Variants in ACAP2 observed in about 807,000 individuals in gnomAD.
ACAP2 encodes the protein ArfGAP with coiled-coil, ankyrin repeat and PH domains 2, also known as arf-GAP with coiled-coil, ANK repeat and PH domain-containing protein 2.
In ACAP2, 39 loss-of-function variants were observed where a neutral mutation model predicts 115.8. That is an observed-to-expected ratio of 0.34 (90% CI 0.26 to 0.44). The LOEUF is 0.44. Ranked by LOEUF, ACAP2 falls within the 20% of genes least tolerant of loss-of-function variation. ACAP2 has a pLI of 1.00. For missense variants in ACAP2, 662 were observed against 927.6 expected (o/e 0.71, Z 3.72); for synonymous variants, 289 against 315.8 (o/e 0.92, Z 0.90).
intron 2 of ACAP2, among the ~76,000 whole-genome samples, chr3:195,385,771 A>C (rs530227046): frequency 6.6e-6 from 1 of 152,206 alleles, no homozygotes; most frequent in Non-Finnish European, 1.5e-5. Context: ...AGTTGGTTTC[A>C]CCAAACAGTT....
intron 4 of ACAP2, among the ~76,000 whole-genome samples, chr3:195,370,920 C>A (rs1425972503): frequency 6.7e-6 from 1 of 148,814 alleles, no homozygotes; most frequent in Non-Finnish European, 1.5e-5. Flanking sequence ...CCATTGCACT[C>A]CAGTCTGGGC....
At chr3:195,324,924 T>G (rs993923272) in intron 9 of ACAP2, among the ~76,000 whole-genome samples, 8 of 152,082 alleles carry the variant, frequency 5.3e-5, no homozygotes, top group African/African-American at 1.9e-4. Context: ...AAATATATTA[T>G]GAATTTGATC....
At chr3:195,360,477 A>T (rs536671010) in intron 4 of ACAP2, among the ~76,000 whole-genome samples, 2 of 152,364 alleles carry the variant, frequency 1.3e-5, no homozygotes, top group African/African-American at 4.8e-5. Context: ...CCAGACAGAA[A>T]ATCCACAAGG....
chr3:195,327,079 A>G, intron 8 of ACAP2, 120 bp from the exon 9 acceptor site: 1 of 983,840 alleles, frequency 1.0e-6, no homozygotes, highest in Non-Finnish European at 1.5e-6. Context: ...CTGATTTAAT[A>G]AAGTTTTGGC....
chr3:195,362,970 A>G (rs946317900), intron 4 of ACAP2, among the ~76,000 whole-genome samples: 1 of 152,212 alleles, frequency 6.6e-6, no homozygotes, highest in African/African-American at 2.4e-5. Context: ...CAATAAGACA[A>G]GAGACTAAAA....
At chr3:195,412,505 A>G (rs905862507) in intron 1 of ACAP2, among the ~76,000 whole-genome samples, 2 of 152,022 alleles carry the variant, frequency 1.3e-5, no homozygotes, top group African/African-American at 2.4e-5. Context: ...CCAGCTACTC[A>G]GGAGGCTGAG....
intron 11 of ACAP2, 30 bp from the exon 12 acceptor site, chr3:195,307,353 T>G: frequency 6.8e-7 from 1 of 1,472,856 alleles, no homozygotes. Flanking sequence ...TTTCCATATT[T>G]TTCCACTTAG....
In ACAP2 at chr3:195,378,448, C is replaced by T. The variant is rs562371569; in HGVS notation, c.285+2561G>A. 1.3e-3 allele frequency among the ~76,000 whole-genome samples: 204 copies of T among 151,906 alleles called. 1 individual carries two copies. Among genetic ancestry groups the T allele is most frequent in the South Asian group, 0.012 (58 of 4,804 alleles). Reference sequence around the variant, plus strand: ...CAGAGGTTGCAGTGAGCCAAGATTGCGCCGCTGCACTCCAGCCTGGCAACA... The same window carrying T: ...CAGAGGTTGCAGTGAGCCAAGATTGTGCCGCTGCACTCCAGCCTGGCAACA... On this transcript the variant is annotated intron_variant, in intron 4 of 22. Coordinates refer to ENST00000326793, the MANE Select transcript of ACAP2 (RefSeq NM_012287.6).
At chr3:195,298,072 G>T (rs1432221767) in intron 15 of ACAP2, among the ~76,000 whole-genome samples, 1 of 152,136 alleles carries the variant, frequency 6.6e-6, no homozygotes, top group Non-Finnish European at 1.5e-5. Context: ...TACACATTAA[G>T]ATAACATTAC....
At chr3:195,280,957 T>C (rs192223970) in intron 22 of ACAP2, 4 of 152,346 alleles carry the variant, frequency 2.6e-5, no homozygotes, top group African/African-American at 9.6e-5. Flanking sequence ...ATGTTGTTAA[T>C]AGTGCAGTAA....
chr3:195,416,139 A>G (rs1713704950), intron 1 of ACAP2, among the ~76,000 whole-genome samples: 1 of 152,146 alleles, frequency 6.6e-6, no homozygotes, highest in South Asian at 2.1e-4. Flanking sequence ...TGAGGTAAGG[A>G]GTTCGAGACC....
At chr3:195,421,276 T>C (rs1714168084) in intron 1 of ACAP2, among the ~76,000 whole-genome samples, 1 of 152,174 alleles carries the variant, frequency 6.6e-6, no homozygotes, top group South Asian at 2.1e-4. Context: ...CAAAGGCATT[T>C]TGGAAGAAGC....
Position 195,279,064 on chromosome 3 carries a change from T to C in ACAP2, c.*264A>G, listed in dbSNP as rs1361619287. On this transcript the variant is annotated 3_prime_UTR_variant, in exon 23 of 23. Transcript: ENST00000326793. ...CTCCTATCATCTTGTAACCTAGAGA[T>C]GGCCTAAATCTAGACTGAACTTCTG... 1.5e-5 allele frequency: 4 copies of C among 274,844 alleles called. No homozygotes were observed. Among genetic ancestry groups the C allele is most frequent in the Non-Finnish European group, 2.7e-5 (4 of 148,602 alleles). 17.0% of individuals were successfully genotyped at this position (274,844 alleles called of 1,614,324 possible). A position where few individuals can be genotyped will look rare whatever the true frequency, so the allele number is the denominator to read the frequency against.
At chr3:195,290,988 T>C (rs1041022840) in intron 20 of ACAP2, among the ~76,000 whole-genome samples, 2 of 152,128 alleles carry the variant, frequency 1.3e-5, no homozygotes, top group African/African-American at 2.4e-5. Context: ...CACTCCTGCC[T>C]AGGCAACAGG....
At chr3:195,374,534 T>G (rs538748081) in intron 4 of ACAP2, among the ~76,000 whole-genome samples, 1 of 152,326 alleles carries the variant, frequency 6.6e-6, no homozygotes, top group Admixed American at 6.5e-5. Flanking sequence ...TAATTACATG[T>G]GAGAGAGGAG....
chr3:195,295,613 T>TG lies in ACAP2; in HGVS notation c.1672+94_1672+95insC. 6 of 1,373,220 alleles carry TG rather than the reference T, an allele frequency of 4.4e-6. No homozygotes were observed. In the South Asian group the frequency reaches 6.5e-5, roughly 15 times the overall value. The allele number at this position is 1,373,220 out of a possible 1,614,324, so 85.1% of individuals were successfully genotyped here. Reference sequence around the variant, plus strand: ...TGTAGAAGGGAACAGGTTTTTAACATTAAAAAAAACGACAATGGCTATTAG... The same window carrying TG: ...TGTAGAAGGGAACAGGTTTTTAACATGTAAAAAAAACGACAATGGCTATTAG... On this transcript the variant is annotated intron_variant, in intron 17 of 22. Coordinates refer to ENST00000326793, the MANE Select transcript of ACAP2 (RefSeq NM_012287.6).
At chr3:195,295,924 C>CTTA in intron 16 of ACAP2, 32 bp from the exon 17 acceptor site, 1 of 1,571,388 alleles carries the variant, frequency 6.4e-7, no homozygotes, top group Non-Finnish European at 8.6e-7. Context: ...TGATGTTTTG[C>CTTA]TTAATCTCTC....
At chr3:195,340,037 G>C (rs1730764851) in intron 6 of ACAP2, among the ~76,000 whole-genome samples, 1 of 151,486 alleles carries the variant, frequency 6.6e-6, no homozygotes, top group South Asian at 2.1e-4. Context: ...GCCTGGAGAA[G>C]TCTGAGTAAC....
At chr3:195,291,939 C>CA in intron 19 of ACAP2, 124 bp from the exon 20 acceptor site, 2 of 762,980 alleles carry the variant, frequency 2.6e-6, no homozygotes, top group Non-Finnish European at 4.0e-6. Context: ...CTCTCCAAAA[C>CA]AAAAAATATC....
Sources: gnomAD v4.1 joint callset for allele counts (sites outside exome capture counted in the v4.1 genomes callset) on GRCh38, gnomAD v4.1.1 for gene constraint, MANE v1.5 for transcripts, NCBI Gene and HGNC (gene_info 2026-07-23, HGNC 2026-07-21) for gene names.